Variants in CCDC150 observed in about 807,000 individuals in gnomAD.
CCDC150 encodes the protein coiled-coil domain containing 150.
CCDC150 carries 151 observed loss-of-function variants against 156.5 expected under a neutral mutation model. The ratio of observed to expected loss-of-function variants is 0.97; its 90% confidence interval spans 0.85 to 1.10. The LOEUF (loss-of-function observed/expected upper bound fraction) is 1.10. Ranked by LOEUF, CCDC150 falls within the 50% of genes least tolerant of loss-of-function variation. CCDC150 has a pLI of 0.00. For synonymous variants in CCDC150, 452 were observed against 429.4 expected (o/e 1.05, Z -0.65); for missense variants, 1,312 against 1,268.1 (o/e 1.03, Z -0.53).
At position 196,687,816 on chromosome 2, in the gene CCDC150, T is replaced by C. The variant is rs116649589; in HGVS notation, c.1510-7230T>C. 7.4e-3 allele frequency among the ~76,000 whole-genome samples: 1,123 copies of C among 152,312 alleles called. 11 individuals are homozygous for C. Among genetic ancestry groups the C allele is most frequent in the African/African-American group, 0.026 (1,067 of 41,564 alleles). ...GGGTCCAGTTTCCATCTTCTGCATA[T>C]AGCTAGCCAGTTATCCCAGTCCCAT... On this transcript the variant is annotated intron_variant, in intron 13 of 27. Coordinates refer to ENST00000389175, the MANE Select transcript of CCDC150 (RefSeq NM_001080539.2).
chr2:196,689,344 C>T (rs927479440), intron 13 of CCDC150, among the ~76,000 whole-genome samples: 7 of 152,054 alleles, frequency 4.6e-5, no homozygotes, highest in East Asian at 1.9e-4. Flanking sequence ...GCAGTATGGC[C>T]ATTTTCATGA....
At chr2:196,712,807 A>G in intron 17 of CCDC150, 68 bp downstream of exon 17, 3 of 1,163,926 alleles carry the variant, frequency 2.6e-6, no homozygotes, top group Admixed American at 2.2e-5. Flanking sequence ...TTCATAGTTC[A>G]CATAATATTT....
intron 15 of CCDC150, among the ~76,000 whole-genome samples, chr2:196,705,573 A>G (rs142213149): frequency 0.026 from 3,983 of 152,202 alleles, 182 homozygotes; most frequent in African/African-American, 0.09. Context: ...CCATTTGTCA[A>G]TTTTGGCTTT....
chr2:196,719,760 CT>C, intron 19 of CCDC150, 94 bp downstream of exon 19: 1 of 816,224 alleles, frequency 1.2e-6, no homozygotes, highest in Non-Finnish European at 1.7e-6. Context: ...ATGTAGCTTC[CT>C]TTACAAAAAA....
intron 2 of CCDC150, among the ~76,000 whole-genome samples, chr2:196,649,407 T>C (rs1347884125): frequency 6.6e-6 from 1 of 152,198 alleles, no homozygotes; most frequent in Non-Finnish European, 1.5e-5. Context: ...GCTATGGTAA[T>C]GTTGCAGTGC....
At chr2:196,717,031 ATTTTT>A (rs1370037309) in intron 17 of CCDC150, among the ~76,000 whole-genome samples, 2 of 149,960 alleles carry the variant, frequency 1.3e-5, no homozygotes, top group East Asian at 3.9e-4. Flanking sequence ...CAGCTAATTT[ATTTTT>A]TATTTTTATT....
At chr2:196,650,623 A>G (rs4850720) in intron 2 of CCDC150, among the ~76,000 whole-genome samples, 119,231 of 152,182 alleles carry the variant, frequency 0.78, 46,923 homozygotes, top group East Asian at 0.97. Flanking sequence ...CAAACTCCTG[A>G]CCTCGTGATC....
At chr2:196,681,315 T>TTGTA (rs1168684111) in intron 13 of CCDC150, among the ~76,000 whole-genome samples, 2 of 152,196 alleles carry the variant, frequency 1.3e-5, no homozygotes, top group East Asian at 1.9e-4. Flanking sequence ...GTAATGGTGA[T>TTGTA]TGTATGTATG....
In CCDC150 at chr2:196,639,772, C is replaced by G. The variant is rs779499962; in HGVS notation, c.6C>G (p.Asp2Glu). 1 of 1,579,778 alleles carries G rather than the reference C, an allele frequency of 6.3e-7. No individual in the cohort carries two copies. The highest frequency in any genetic ancestry group is 2.3e-5 in the East Asian group (1 of 43,252). The change falls in exon 1 of 28, where the codon GAC becomes GAG. Residue 2 changes from aspartate to glutamate, a missense_variant. Physicochemically the swap from Asp to Glu is conservative, Grantham distance 45. Coordinates refer to ENST00000389175, the MANE Select transcript of CCDC150 (RefSeq NM_001080539.2). M[D>E]CKVHMETTVS... is the part of the protein sequence containing the mutation. Reference sequence around the variant, plus strand: ...ACGGAGCCTCAGGCGGACAGATGGACTGTAAGGTGAGGCTGCCGGGCCCCG... The same window carrying G: ...ACGGAGCCTCAGGCGGACAGATGGAGTGTAAGGTGAGGCTGCCGGGCCCCG...
intron 15 of CCDC150, among the ~76,000 whole-genome samples, chr2:196,706,148 T>G (rs968135329): frequency 1.3e-5 from 2 of 151,696 alleles, no homozygotes; most frequent in Non-Finnish European, 3.0e-5. Context: ...TACGGCATTA[T>G]GGAAGAACAA....
intron 13 of CCDC150, among the ~76,000 whole-genome samples, chr2:196,682,189 C>T (rs1429092506): frequency 7.2e-5 from 11 of 151,866 alleles, no homozygotes; most frequent in Non-Finnish European, 1.6e-4. Context: ...TACAATTGTC[C>T]GAGTACTGTT....
chr2:196,699,651 C>G (rs895672743), intron 14 of CCDC150, among the ~76,000 whole-genome samples: 2 of 151,996 alleles, frequency 1.3e-5, no homozygotes, highest in Non-Finnish European at 2.9e-5. Context: ...TCTCAAGTAA[C>G]TAGGACTACA....
intron 14 of CCDC150, among the ~76,000 whole-genome samples, chr2:196,698,150 T>G (rs769615774): frequency 1.3e-5 from 2 of 152,224 alleles, no homozygotes; most frequent in South Asian, 2.1e-4. Context: ...ATTTCTTGTC[T>G]CCTGTTGATG....
In CCDC150 at chr2:196,657,303, C is replaced by T. The variant is rs552415817; in HGVS notation, c.576+167C>T. On this transcript the variant is annotated intron_variant, in intron 4 of 27. Coordinates refer to ENST00000389175, the MANE Select transcript of CCDC150 (RefSeq NM_001080539.2). ...GGATTCTTGGCCTATGACATTTGCA[C>T]TGATAACCTAAACCACTGTGTGCTA... The T allele has an allele frequency of 3.0e-5, 19 of 623,036 alleles. No homozygotes were observed. The African/African-American group carries it at 3.3e-4, about 11-fold the overall frequency. 38.6% of individuals were successfully genotyped at this position (623,036 alleles called of 1,614,324 possible).
intron 13 of CCDC150, among the ~76,000 whole-genome samples, chr2:196,692,919 T>G (rs888743073): frequency 3.9e-5 from 6 of 152,226 alleles, no homozygotes; most frequent in Admixed American, 3.3e-4. Flanking sequence ...AGTGGAATGC[T>G]AAAATCTCCC....
intron 15 of CCDC150, among the ~76,000 whole-genome samples, chr2:196,707,344 G>C (rs540214590): frequency 6.6e-6 from 1 of 152,138 alleles, no homozygotes; most frequent in South Asian, 2.1e-4. Context: ...CTGTGGGATA[G>C]GTAGTGATAT....
At chr2:196,707,042 G>T (rs962987363) in intron 15 of CCDC150, among the ~76,000 whole-genome samples, 2 of 152,186 alleles carry the variant, frequency 1.3e-5, no homozygotes, top group Non-Finnish European at 2.9e-5. Context: ...TGTTAGGGAG[G>T]ATTCCCTCTT....
At chr2:196,656,526 C>G (rs1237842219) in intron 2 of CCDC150, 107 bp from the exon 3 acceptor site, 1 of 767,306 alleles carries the variant, frequency 1.3e-6, no homozygotes, top group African/African-American at 1.8e-5. Context: ...GGTGATGTCA[C>G]TCTCCAATTA....
intron 2 of CCDC150, among the ~76,000 whole-genome samples, chr2:196,646,931 A>T (rs189532397): frequency 1.3e-4 from 20 of 152,236 alleles, no homozygotes; most frequent in African/African-American, 4.1e-4. Context: ...TGAAGTCTTT[A>T]AAAATTTTAT....
Sources: gnomAD v4.1 joint callset for allele counts (sites outside exome capture counted in the v4.1 genomes callset) on GRCh38, gnomAD v4.1.1 for gene constraint, MANE v1.5 for transcripts, NCBI Gene and HGNC (gene_info 2026-07-23, HGNC 2026-07-21) for gene names.